BMERB1: variants seen among roughly 807,000 people sequenced by gnomAD.
The protein encoded by BMERB1 is bMERB domain-containing protein 1.
BMERB1 carries 12 observed loss-of-function variants against 23.6 expected under a neutral mutation model. The observed-to-expected ratio is 0.51, with a 90% CI of 0.33 to 0.82. The LOEUF (loss-of-function observed/expected upper bound fraction) is 0.82, where lower values mean the gene tolerates loss of function less well. Ranked by LOEUF, BMERB1 falls within the 40% of genes least tolerant of loss-of-function variation. The pLI is 0.03. For synonymous variants in BMERB1, 122 were observed against 96.6 expected, an observed-to-expected ratio of 1.26 and a Z score of -1.54; for missense variants, 247 against 255.4, an observed-to-expected ratio of 0.97 and a Z score of 0.22.
At chr16:15,483,097 T>C (rs543999550) in intron 1 of BMERB1, among the ~76,000 whole-genome samples, 55 of 152,342 alleles carry the variant, frequency 3.6e-4, no homozygotes, top group African/African-American at 1.3e-3. Flanking sequence ...TCCCATATCC[T>C]GCCTTTTTCA....
chr16:15,488,020 C>T (rs905199398), intron 1 of BMERB1, among the ~76,000 whole-genome samples: 38 of 152,118 alleles, frequency 2.5e-4, no homozygotes, highest in African/African-American at 9.2e-4. Flanking sequence ...CTAGCTCATC[C>T]TGTGACTTAG....
At chr16:15,524,541 G>A (rs1053380461) in intron 2 of BMERB1, among the ~76,000 whole-genome samples, 6 of 152,144 alleles carry the variant, frequency 3.9e-5, no homozygotes, top group Admixed American at 1.3e-4. Context: ...GCTGAGGCAG[G>A]TGGATCACCT....
At chr16:15,565,983 T>G (rs552686510) in intron 2 of BMERB1, among the ~76,000 whole-genome samples, 82 of 152,352 alleles carry the variant, frequency 5.4e-4, no homozygotes, top group Non-Finnish European at 9.3e-4. Context: ...ATTCCACTTC[T>G]GAGAATCTAA....
chr16:15,462,048 T>C (rs2051139848), intron 1 of BMERB1, among the ~76,000 whole-genome samples: 1 of 150,344 alleles, frequency 6.7e-6, no homozygotes, highest in African/African-American at 2.4e-5. Context: ...TTTTGCAGTA[T>C]AAGCATGTCC....
At chr16:15,471,509 T>G (rs2051228565) in intron 1 of BMERB1, among the ~76,000 whole-genome samples, 4 of 152,212 alleles carry the variant, frequency 2.6e-5, no homozygotes, top group Admixed American at 2.6e-4. Context: ...AAAAAGTTGT[T>G]TGCAGTATTC....
intron 3 of BMERB1, among the ~76,000 whole-genome samples, chr16:15,577,387 T>G (rs879249254): frequency 6.6e-6 from 1 of 152,228 alleles, no homozygotes. Flanking sequence ...TTCACTCCTG[T>G]ATCATTAGCA....
chr16:15,491,409 A>C (rs2051418618), intron 1 of BMERB1, among the ~76,000 whole-genome samples: 1 of 149,006 alleles, frequency 6.7e-6, no homozygotes, highest in Admixed American at 6.7e-5. Context: ...TCTGGAGTGC[A>C]ATGGTGAGAT....
At chr16:15,508,828 CAAAAAAAAAAAA>C (rs1181215065) in intron 1 of BMERB1, among the ~76,000 whole-genome samples, 9 of 56,072 alleles carry the variant, frequency 1.6e-4, no homozygotes, top group Non-Finnish European at 3.4e-4. Flanking sequence ...CCTGCCCCAC[CAAAAAAAAAAAA>C]AAAAAAAAAA....
chr16:15,520,105 A>C (rs1041956569), intron 2 of BMERB1, among the ~76,000 whole-genome samples: 7 of 152,072 alleles, frequency 4.6e-5, no homozygotes, highest in Non-Finnish European at 1.0e-4. Context: ...CAATAGAGTA[A>C]GTTCTATCTC....
chr16:15,500,058 C>G (rs2051513142), intron 1 of BMERB1, among the ~76,000 whole-genome samples: 1 of 152,178 alleles, frequency 6.6e-6, no homozygotes, highest in East Asian at 1.9e-4. Context: ...TCTGTTGGCT[C>G]TTTGCAACTT....
chr16:15,552,682 C>T lies in BMERB1; in HGVS notation c.231-15301C>T, dbSNP rs77533915. ...TCGAAGCAGTGGGGTGGGAAGAGCC[C>T]TGCTGTCTCGCCACATGGCCTTGGT... On this transcript the variant is annotated intron_variant, in intron 2 of 5. Coordinates refer to ENST00000300006, the MANE Select transcript of BMERB1 (RefSeq NM_033201.3). 7.1e-3 allele frequency among the ~76,000 whole-genome samples: 1,075 copies of T among 152,330 alleles called. 11 individuals are homozygous for T. Among genetic ancestry groups the T allele is most frequent in the African/African-American group, 0.025 (1,033 of 41,572 alleles).
chr16:15,492,692 G>A (rs1418932294), intron 1 of BMERB1, among the ~76,000 whole-genome samples: 1 of 152,100 alleles, frequency 6.6e-6, no homozygotes, highest in African/African-American at 2.4e-5. Flanking sequence ...GCTGAGGCGG[G>A]TGGATTACCT....
At chr16:15,548,686 G>A (rs1353259048) in intron 2 of BMERB1, among the ~76,000 whole-genome samples, 1 of 152,194 alleles carries the variant, frequency 6.6e-6, no homozygotes, top group Non-Finnish European at 1.5e-5. Flanking sequence ...CGTTTTCTTT[G>A]TGGTTTATCA....
At chr16:15,444,138 T>TTTTTTTTTTTGTTTTTTTTTTTTG (rs1567447934) in intron 1 of BMERB1, among the ~76,000 whole-genome samples, 7 of 131,632 alleles carry the variant, frequency 5.3e-5, no homozygotes, top group African/African-American at 2.0e-4. Flanking sequence ...TTTTTTTTTT[T>TTTTTTTTTTTGTTTTTTTTTTTTG]TTTTTTTTTT....
chr16:15,572,486 T>C (rs1182228620), intron 3 of BMERB1, among the ~76,000 whole-genome samples: 1 of 152,164 alleles, frequency 6.6e-6, no homozygotes, highest in Non-Finnish European at 1.5e-5. Flanking sequence ...ATTAAAATGT[T>C]CTAAAATGGA....
chr16:15,523,045 T>C (rs1302386670), intron 2 of BMERB1, among the ~76,000 whole-genome samples: 1 of 151,998 alleles, frequency 6.6e-6, no homozygotes, highest in African/African-American at 2.4e-5. Flanking sequence ...TGAGTGGAGG[T>C]AGCTCTCAGC....
intron 1 of BMERB1, among the ~76,000 whole-genome samples, chr16:15,445,134 C>T (rs911569033): frequency 5.9e-5 from 9 of 152,152 alleles, no homozygotes; most frequent in Non-Finnish European, 1.2e-4. Flanking sequence ...CTCAAGCAAT[C>T]CTCCTGTCTT....
intron 1 of BMERB1, among the ~76,000 whole-genome samples, chr16:15,456,233 T>A (rs999564478): frequency 4.6e-5 from 7 of 152,210 alleles, no homozygotes; most frequent in African/African-American, 1.7e-4. Context: ...ACATGGATTT[T>A]AAAAAATGAA....
chr16:15,464,975 C>G (rs1598453338), intron 1 of BMERB1, among the ~76,000 whole-genome samples: 1 of 152,100 alleles, frequency 6.6e-6, no homozygotes, highest in African/African-American at 2.4e-5. Context: ...GGTTCAAATG[C>G]CTCTGACAAA....
Sources: allele counts gnomAD v4.1 joint callset (sites outside exome capture counted in the v4.1 genomes callset), GRCh38; gene constraint gnomAD v4.1.1; transcripts MANE v1.5; gene names NCBI Gene and HGNC (gene_info 2026-07-23, HGNC 2026-07-21).